NAV2: variants seen among roughly 807,000 people sequenced by gnomAD.
The protein encoded by NAV2 is helicase, APC down-regulated 1.
Under a neutral mutation model 223.2 loss-of-function variants are expected in NAV2, and 54 were observed. That is an observed-to-expected ratio of 0.24 (90% CI 0.19 to 0.30). NAV2 has a LOEUF of 0.30. Among genes scored for constraint, NAV2 ranks in the 10% least tolerant of loss-of-function variants. The pLI is 1.00. For missense variants in NAV2, 2,806 were observed against 3,147.5 expected (o/e 0.89, Z 2.60); for synonymous variants, 1,279 against 1,239.3 (o/e 1.03, Z -0.67).
rs141121561 is a variant in NAV2 at position 19,939,308 on chromosome 11, G to A, written c.2034-353G>A. 2.5e-3 allele frequency among the ~76,000 whole-genome samples: 379 copies of A among 152,268 alleles called. 2 individuals carry two copies. Among genetic ancestry groups the A allele is most frequent in the Non-Finnish European group, 4.5e-3 (309 of 68,038 alleles). On this transcript the variant is annotated intron_variant, in intron 7 of 37. Coordinates refer to ENST00000349880, the MANE Select transcript of NAV2 (RefSeq NM_145117.5). Reference sequence around the variant, plus strand: ...TGTTGGCATGGCTGGTTACTTAGAAGCTGTTCTTTGGCATAGGTTAAATTA... The same window carrying A: ...TGTTGGCATGGCTGGTTACTTAGAAACTGTTCTTTGGCATAGGTTAAATTA...
chr11:20,016,341 C>T (rs2054001934), intron 11 of NAV2, among the ~76,000 whole-genome samples: 1 of 152,180 alleles, frequency 6.6e-6, no homozygotes, highest in African/African-American at 2.4e-5. Flanking sequence ...TAACAATCAG[C>T]TGGTTTCAGA....
intron 3 of NAV2, among the ~76,000 whole-genome samples, chr11:19,852,726 T>C (rs965729806): frequency 2.4e-4 from 36 of 152,022 alleles, no homozygotes; most frequent in Non-Finnish European, 4.6e-4. Context: ...TTTAAAAATC[T>C]CTTTCAGTTC....
intron 1 of NAV2, among the ~76,000 whole-genome samples, chr11:19,662,312 G>T (rs61305584): frequency 2.6e-4 from 40 of 152,204 alleles, no homozygotes; most frequent in Admixed American, 2.6e-3. Flanking sequence ...GCAGAAGGCC[G>T]TTTGCTGTGG....
chr11:19,914,290 G>T (rs1457403367), intron 6 of NAV2, among the ~76,000 whole-genome samples: 2 of 152,182 alleles, frequency 1.3e-5, no homozygotes, highest in African/African-American at 4.8e-5. Flanking sequence ...TTGGGAGAAA[G>T]GTGGTGTCAC....
intron 1 of NAV2, among the ~76,000 whole-genome samples, chr11:19,694,147 C>A (rs2049261360): frequency 6.6e-6 from 1 of 152,132 alleles, no homozygotes. Context: ...TGAAGAAGGG[C>A]TCCCAGGACA....
At chr11:19,786,195 A>G (rs926918268) in intron 1 of NAV2, among the ~76,000 whole-genome samples, 2 of 152,246 alleles carry the variant, frequency 1.3e-5, no homozygotes, top group African/African-American at 2.4e-5. Flanking sequence ...TTCCAAGGCC[A>G]TCTACAGTGC....
chr11:19,696,603 G>C (rs889652861), intron 1 of NAV2, among the ~76,000 whole-genome samples: 5 of 152,224 alleles, frequency 3.3e-5, no homozygotes, highest in African/African-American at 1.2e-4. Context: ...ATGGTTTACT[G>C]GTTCTGGTTT....
chr11:19,584,977 G>A (rs925828760), intron 1 of NAV2, among the ~76,000 whole-genome samples: 2 of 32,422 alleles, frequency 6.2e-5, no homozygotes, highest in Admixed American at 7.0e-4. Flanking sequence ...TTGACAGTGG[G>A]GTGTTAAAGT....
intron 1 of NAV2, among the ~76,000 whole-genome samples, chr11:19,639,676 T>G (rs1208659123): frequency 1.3e-5 from 2 of 152,180 alleles, no homozygotes; most frequent in Admixed American, 6.5e-5. Context: ...TCATCTACTT[T>G]CTTCAACAGA....
Position 19,730,281 on chromosome 11 carries a change from C to T in NAV2, c.267+16319C>T, listed in dbSNP as rs192110987. On this transcript the variant is annotated intron_variant, in intron 1 of 37. Coordinates refer to ENST00000349880, the MANE Select transcript of NAV2 (RefSeq NM_145117.5). ...GGGGCATTTCTGTGCCCTCTGTCAA[C>T]AATCCAGCCTTCAGTAACGTTGTGC... 1.1e-3 allele frequency among the ~76,000 whole-genome samples: 164 copies of T among 152,318 alleles called. 3 individuals are homozygous for T. The highest frequency in any genetic ancestry group is 9.3e-3 in the Admixed American group (142 of 15,300).
intron 1 of NAV2, among the ~76,000 whole-genome samples, chr11:19,394,617 T>A (rs1384437875): frequency 6.6e-6 from 1 of 152,154 alleles, no homozygotes; most frequent in South Asian, 2.1e-4. Flanking sequence ...AGGGATATGA[T>A]GACATGTCTA....
intron 10 of NAV2, among the ~76,000 whole-genome samples, chr11:19,965,414 C>G (rs1047977733): frequency 3.3e-5 from 5 of 152,276 alleles, no homozygotes; most frequent in Admixed American, 2.0e-4. Flanking sequence ...ACCCAGAACC[C>G]AGAATCTTAG....
At chr11:19,558,147 G>A (rs1368137965) in intron 1 of NAV2, among the ~76,000 whole-genome samples, 2 of 152,166 alleles carry the variant, frequency 1.3e-5, no homozygotes, top group African/African-American at 4.8e-5. Flanking sequence ...TTTCTCCATG[G>A]GGTTGATATG....
intron 1 of NAV2, among the ~76,000 whole-genome samples, chr11:19,672,345 C>A (rs548690170): frequency 6.6e-6 from 1 of 150,594 alleles, no homozygotes; most frequent in African/African-American, 2.4e-5. Flanking sequence ...TGCATTCAAC[C>A]CTTAGCAGTG....
At chr11:19,985,279 T>C (rs894453153) in intron 11 of NAV2, among the ~76,000 whole-genome samples, 3 of 152,100 alleles carry the variant, frequency 2.0e-5, no homozygotes. Context: ...AGAGATGGAA[T>C]TTGCTGAAGA....
At chr11:19,990,748 A>G (rs1309353685) in intron 11 of NAV2, among the ~76,000 whole-genome samples, 2 of 152,194 alleles carry the variant, frequency 1.3e-5, no homozygotes, top group Non-Finnish European at 2.9e-5. Context: ...ACTATTTAAA[A>G]TTAATGAAAA....
intron 36 of NAV2, among the ~76,000 whole-genome samples, chr11:20,110,347 C>T (rs551768962): frequency 1.4e-4 from 22 of 152,258 alleles, no homozygotes; most frequent in African/African-American, 4.6e-4. Context: ...CGGATTCCTG[C>T]GGAAGCTTGC....
At chr11:19,751,906 A>C (rs2053856954) in intron 1 of NAV2, among the ~76,000 whole-genome samples, 1 of 152,084 alleles carries the variant, frequency 6.6e-6, no homozygotes, top group Non-Finnish European at 1.5e-5. Context: ...CAGGTGGTCA[A>C]CTACTAGCTC....
At chr11:19,354,877 A>G (rs1247126503) in intron 1 of NAV2, among the ~76,000 whole-genome samples, 4 of 152,066 alleles carry the variant, frequency 2.6e-5, no homozygotes, top group Non-Finnish European at 1.5e-5. Context: ...GTGCCAGGAG[A>G]GGTTATCATT....
Sources: gnomAD v4.1 joint callset for allele counts (sites outside exome capture counted in the v4.1 genomes callset) on GRCh38, gnomAD v4.1.1 for gene constraint, MANE v1.5 for transcripts, NCBI Gene and HGNC (gene_info 2026-07-23, HGNC 2026-07-21) for gene names.